The following ADGRB1 variants were observed in gnomAD, a reference collection of about 807,000 sequenced individuals.
ADGRB1 encodes adhesion G protein-coupled receptor B1.
In ADGRB1, 36 loss-of-function variants were observed where a neutral mutation model predicts 175.7. That is an observed-to-expected ratio of 0.20 (90% CI 0.16 to 0.27). ADGRB1 has a LOEUF of 0.27. ADGRB1 is among the 10% of genes least tolerant of loss of function. The probability of loss-of-function intolerance (pLI) is 1.00; values close to 1 mark genes in which losing one functional copy is unlikely to be tolerated. For synonymous variants in ADGRB1, 1,054 were observed against 979.4 expected (o/e 1.08, Z -1.42); for missense variants, 1,731 against 2,255.3 (o/e 0.77, Z 4.71).
At chr8:142,491,042 G>A (rs549390055) in intron 17 of ADGRB1, among the ~76,000 whole-genome samples, 7 of 152,292 alleles carry the variant, frequency 4.6e-5, no homozygotes, top group South Asian at 2.1e-4. Flanking sequence ...AGGGAGGAGC[G>A]GACGTGGAGG....
rs536011231 is a variant in ADGRB1, at chr8:142,481,706, G to A, written c.2125G>A (p.Val709Ile). Residue 709 changes from valine (V) to isoleucine (I), a missense_variant, in exon 11 of 31, where the codon GTA becomes ATA. Physicochemically the swap from Val to Ile is conservative, Grantham distance 29 (BLOSUM62 3). Around this residue, in one of 8 missense-constraint regions of ADGRB1, gnomAD observed 388 missense variants for 630.9 expected, o/e 0.61. Coordinates refer to ENST00000517894, the MANE Select transcript of ADGRB1 (RefSeq NM_001702.3). The part of the protein sequence containing the change: ...RAYYSPTPGD[V>I]QNFVQILSNL... ...GTACTACAGCCCCACCCCTGGGGACGTACAGGTGGGCTCCCCGAGCGGCAT... is the reference window on the plus strand; with the variant it reads ...GTACTACAGCCCCACCCCTGGGGACATACAGGTGGGCTCCCCGAGCGGCAT... 54 of 1,563,306 alleles carry A rather than the reference G, an allele frequency of 3.5e-5. No individual in the cohort carries two copies. The South Asian group carries it at 4.5e-4, about 13-fold the overall frequency.
At chr8:142,458,256 C>G (rs1288985710) in intron 1 of ADGRB1, among the ~76,000 whole-genome samples, 1 of 152,166 alleles carries the variant, frequency 6.6e-6, no homozygotes, top group Non-Finnish European at 1.5e-5. Flanking sequence ...GGACAGCATC[C>G]ACTGCCCCTG....
chr8:142,502,888 C>G (rs1842692083), intron 17 of ADGRB1, among the ~76,000 whole-genome samples: 1 of 151,534 alleles, frequency 6.6e-6, no homozygotes, highest in African/African-American at 2.4e-5. Context: ...TGGCATGATG[C>G]TGATGGTCGT....
chr8:142,528,539 T>C (rs1191947092), intron 24 of ADGRB1, among the ~76,000 whole-genome samples: 1 of 152,094 alleles, frequency 6.6e-6, no homozygotes, highest in Non-Finnish European at 1.5e-5. Flanking sequence ...TTAATTTCAC[T>C]TGCAGTCAGC....
At chr8:142,496,339 T>G (rs2131923155) in intron 17 of ADGRB1, among the ~76,000 whole-genome samples, 1 of 146,976 alleles carries the variant, frequency 6.8e-6, no homozygotes, top group African/African-American at 2.5e-5. Flanking sequence ...TGGCTGGATG[T>G]GTAGATGGAT....
At chr8:142,479,242 T>A in intron 7 of ADGRB1, 81 bp from the exon 8 acceptor site, 2 of 1,380,420 alleles carry the variant, frequency 1.4e-6, no homozygotes, top group South Asian at 3.8e-5. Flanking sequence ...TGGGTCCCTG[T>A]CTTTGTGTCC....
At chr8:142,495,960 T>A (rs1351944744) in intron 17 of ADGRB1, among the ~76,000 whole-genome samples, 1 of 149,838 alleles carries the variant, frequency 6.7e-6, no homozygotes, top group South Asian at 2.1e-4. Flanking sequence ...GGTGGATGGG[T>A]GGATGGATAC....
At chr8:142,482,126 C>A (rs1841379977) in intron 11 of ADGRB1, among the ~76,000 whole-genome samples, 1 of 145,274 alleles carries the variant, frequency 6.9e-6, no homozygotes, top group Non-Finnish European at 1.5e-5. Context: ...TGAGTCCTGA[C>A]CCTTGTCACA....
chr8:142,499,632 G>A (rs1287072118), intron 17 of ADGRB1, among the ~76,000 whole-genome samples: 1 of 152,220 alleles, frequency 6.6e-6, no homozygotes, highest in Admixed American at 6.5e-5. Flanking sequence ...TGTGAGAGGT[G>A]GGGTTGGGAG....
chr8:142,518,507 C>T (rs1843582711), intron 19 of ADGRB1, among the ~76,000 whole-genome samples: 1 of 152,186 alleles, frequency 6.6e-6, no homozygotes, highest in South Asian at 2.1e-4. Context: ...GAACGTGCCC[C>T]CTTTGCCTGC....
At chr8:142,541,398 C>G in intron 27 of ADGRB1, among the ~76,000 whole-genome samples, 1 of 152,104 alleles carries the variant, frequency 6.6e-6, no homozygotes, top group Non-Finnish European at 1.5e-5. Context: ...GCCCTCAGGG[C>G]AGAGCAGGGA....
At chr8:142,454,754 G>C (rs545466683) in intron 1 of ADGRB1, among the ~76,000 whole-genome samples, 1 of 152,050 alleles carries the variant, frequency 6.6e-6, no homozygotes, top group Admixed American at 6.5e-5. Context: ...AGGCGGCTCC[G>C]GACGTCTCCA....
chr8:142,522,325 C>T (rs1307559852), intron 21 of ADGRB1, among the ~76,000 whole-genome samples: 3 of 152,130 alleles, frequency 2.0e-5, no homozygotes, highest in East Asian at 1.9e-4. Flanking sequence ...GTCTAGATAA[C>T]GAAAACGTTT....
rs553629812 is a variant in ADGRB1 at position 142,511,562 on chromosome 8, C to A, written c.2817+489C>A. Among the ~76,000 whole-genome samples the A allele has an allele frequency of 2.6e-5, 4 of 152,304 alleles. No homozygotes were observed. Among genetic ancestry groups the A allele is most frequent in the African/African-American group, 9.6e-5 (4 of 41,574 alleles). On this transcript the variant is annotated intron_variant, in intron 18 of 30. Coordinates refer to ENST00000517894, the MANE Select transcript of ADGRB1 (RefSeq NM_001702.3). The surrounding 1 kb of genome is among the most constrained non-coding windows in gnomAD (Gnocchi z 4.5). ...TCCGTGGAGGAGGAGGTGGCGGTGG[C>A]CCCAGGCAGGGGCCCTGGCCCAGAT...
chr8:142,543,383 CA>C lies in ADGRB1; in HGVS notation c.4414-17del, dbSNP rs755403122. The C allele has an allele frequency of 3.7e-6, 6 of 1,613,510 alleles. No homozygotes were observed. In the East Asian group the frequency reaches 1.1e-4, roughly 30 times the overall value. On this transcript the variant is annotated intron_variant, in intron 28 of 30. Transcript: ENST00000517894. The surrounding 1 kb of genome is among the most constrained non-coding windows in gnomAD (Gnocchi z 4.4). ...GTCAGGGACCCTTGGCGAATGTTCGCAAACCCCTTCTCCCTGCAGCGGCGGA... is the reference window on the plus strand; with the variant it reads ...GTCAGGGACCCTTGGCGAATGTTCGCAACCCCTTCTCCCTGCAGCGGCGGA...
At chr8:142,528,965 G>T (rs1003090116) in intron 24 of ADGRB1, among the ~76,000 whole-genome samples, 2 of 152,222 alleles carry the variant, frequency 1.3e-5, no homozygotes, top group Admixed American at 1.3e-4. Context: ...TGGGGCCCGA[G>T]TGTGTGCCAG....
At chr8:142,529,029 G>A (rs879338007) in intron 24 of ADGRB1, among the ~76,000 whole-genome samples, 2 of 152,236 alleles carry the variant, frequency 1.3e-5, no homozygotes, top group Non-Finnish European at 2.9e-5. Flanking sequence ...CCCACCCCTG[G>A]TGCTGCTGGC....
chr8:142,496,911 G>T (rs1842242998), intron 17 of ADGRB1, among the ~76,000 whole-genome samples: 1 of 152,194 alleles, frequency 6.6e-6, no homozygotes, highest in Non-Finnish European at 1.5e-5. Context: ...GTCCAACTGG[G>T]CTGGGAGTTT....
In ADGRB1 at chr8:142,542,287, C is replaced by T. The variant is rs1208282431; in HGVS notation, c.4053C>T (p.Ala1351=). ...LDTSYVILPT[A]TATLRPKPKE... Reference sequence around the variant, plus strand: ...CGAGCTACGTGATCCTGCCCACGGCCACGGCCACGCTGCGGCCCAAGCCCA... The same window carrying T: ...CGAGCTACGTGATCCTGCCCACGGCTACGGCCACGCTGCGGCCCAAGCCCA... Residue 1351 remains alanine (A), a synonymous_variant, in exon 28 of 31, where the codon GCC becomes GCT. Transcript: ENST00000517894. This position sits in a 1 kb window ranked among gnomAD's most constrained non-coding sequence, Gnocchi z 6.3. 5.0e-6 allele frequency: 8 copies of T among 1,613,370 alleles called. No homozygotes were observed. Among genetic ancestry groups the T allele is most frequent in the East Asian group, 4.5e-5 (2 of 44,864 alleles).
Sources: gnomAD v4.1 joint callset for allele counts (sites outside exome capture counted in the v4.1 genomes callset) on GRCh38, gnomAD v4.1.1 for gene constraint, gnomAD v4.1.1 regional missense constraint, Gnocchi (gnomAD v3.1) non-coding constraint, MANE v1.5 for transcripts, NCBI Gene and HGNC (gene_info 2026-07-23, HGNC 2026-07-21) for gene names.